The following NTN4 variants were observed in gnomAD, a reference collection of about 807,000 sequenced individuals.
NTN4 encodes the protein netrin-4.
A neutral mutation model predicts 73.6 loss-of-function variants in NTN4; 32 were observed. The ratio of observed to expected loss-of-function variants is 0.44; its 90% CI spans 0.33 to 0.58. NTN4 has a LOEUF of 0.58. NTN4 is among the 20% of genes least tolerant of loss of function. The pLI, the probability that NTN4 is intolerant of heterozygous loss-of-function variation, is 0.04. For synonymous variants in NTN4, 258 were observed against 287.5 expected, an observed-to-expected ratio of 0.90 and a Z score of 1.04; for missense variants, 654 against 798.3, an observed-to-expected ratio of 0.82 and a Z score of 2.18.
chr12:95,769,014 A>G (rs960559368), intron 2 of NTN4, among the ~76,000 whole-genome samples: 2 of 152,140 alleles, frequency 1.3e-5, no homozygotes, highest in African/African-American at 4.8e-5. Context: ...TCTTTAGCTG[A>G]GAGTCAGCAG....
At chr12:95,682,099 G>A (rs958165911) in intron 7 of NTN4, among the ~76,000 whole-genome samples, 2 of 95,158 alleles carry the variant, frequency 2.1e-5, no homozygotes, top group Non-Finnish European at 3.8e-5. Context: ...GTCTTGCTCT[G>A]TTACCCAGGC....
intron 3 of NTN4, among the ~76,000 whole-genome samples, chr12:95,715,903 G>A (rs2078601653): frequency 6.6e-6 from 1 of 152,004 alleles, no homozygotes; most frequent in Admixed American, 6.6e-5. Flanking sequence ...TGTTTTACTT[G>A]TAGTACTAAA....
chr12:95,763,905 G>C (rs1005216054), intron 2 of NTN4, among the ~76,000 whole-genome samples: 42 of 152,106 alleles, frequency 2.8e-4, no homozygotes, highest in Non-Finnish European at 5.9e-5. Flanking sequence ...ATAGCCTCTT[G>C]AGCACCCACT....
intron 8 of NTN4, among the ~76,000 whole-genome samples, chr12:95,668,058 G>GT (rs2078196507): frequency 6.6e-6 from 1 of 151,604 alleles, no homozygotes; most frequent in Non-Finnish European, 1.5e-5. Context: ...CACTAGACTT[G>GT]TAAGCTAAAA....
At chr12:95,675,683 A>G (rs141449290) in intron 7 of NTN4, among the ~76,000 whole-genome samples, 1 of 152,344 alleles carries the variant, frequency 6.6e-6, no homozygotes, top group East Asian at 1.9e-4. Context: ...TTTAAAAAAA[A>G]TGTAAAGAAA....
At chr12:95,732,318 T>G (rs1167566176) in intron 3 of NTN4, among the ~76,000 whole-genome samples, 4 of 151,826 alleles carry the variant, frequency 2.6e-5, no homozygotes, top group Non-Finnish European at 5.9e-5. Context: ...AATAACTTTA[T>G]CGTTTTTAAA....
chr12:95,707,855 A>C (rs79559581), intron 5 of NTN4, among the ~76,000 whole-genome samples: 1 of 152,210 alleles, frequency 6.6e-6, no homozygotes, highest in Non-Finnish European at 1.5e-5. Context: ...GCCCTACAAG[A>C]TAACTTATCC....
At chr12:95,676,777 A>C (rs926993402) in intron 7 of NTN4, among the ~76,000 whole-genome samples, 1 of 152,190 alleles carries the variant, frequency 6.6e-6, no homozygotes, top group African/African-American at 2.4e-5. Flanking sequence ...GTTAACCAAA[A>C]GTTAATCTCT....
chr12:95,680,163 C>T (rs1185142275), intron 7 of NTN4, among the ~76,000 whole-genome samples: 3 of 152,082 alleles, frequency 2.0e-5, no homozygotes, highest in Non-Finnish European at 2.9e-5. Flanking sequence ...AGCTGTTTTC[C>T]TTCACTAGAA....
chr12:95,780,592 C>G (rs1485470206), intron 2 of NTN4, among the ~76,000 whole-genome samples: 1 of 152,156 alleles, frequency 6.6e-6, no homozygotes, highest in Non-Finnish European at 1.5e-5. Context: ...AAATCAAAAC[C>G]GCAATGAGAT....
intron 3 of NTN4, among the ~76,000 whole-genome samples, chr12:95,735,932 TA>T (rs1343458379): frequency 1.1e-4 from 16 of 149,670 alleles, no homozygotes; most frequent in African/African-American, 3.7e-4. Flanking sequence ...TTTATTTATT[TA>T]TTTATTTATT....
chr12:95,783,195 G>T (rs2079145068), intron 2 of NTN4, among the ~76,000 whole-genome samples: 1 of 152,148 alleles, frequency 6.6e-6, no homozygotes, highest in Admixed American at 6.5e-5. Context: ...CTCCACCCCA[G>T]CATTTCCCAC....
intron 3 of NTN4, among the ~76,000 whole-genome samples, chr12:95,732,692 C>A (rs1307048215): frequency 6.6e-6 from 1 of 152,048 alleles, no homozygotes. Flanking sequence ...AGCCACCGTA[C>A]CCAGCCTGAA....
intron 2 of NTN4, among the ~76,000 whole-genome samples, chr12:95,772,328 C>T (rs185509958): frequency 2.0e-4 from 31 of 152,316 alleles, no homozygotes; most frequent in Admixed American, 1.4e-3. Flanking sequence ...GCATGAGCCA[C>T]CACGTCCACC....
intron 2 of NTN4, among the ~76,000 whole-genome samples, chr12:95,771,380 T>C (rs2079058241): frequency 6.6e-6 from 1 of 152,168 alleles, no homozygotes; most frequent in South Asian, 2.1e-4. Context: ...ATGTTGGTTT[T>C]CCCTTGTCCT....
chr12:95,679,096 A>G, intron 7 of NTN4, among the ~76,000 whole-genome samples: 1 of 152,220 alleles, frequency 6.6e-6, no homozygotes, highest in African/African-American at 2.4e-5. Flanking sequence ...CAAAGCTATC[A>G]CTTTTTTCAA....
In NTN4 at chr12:95,738,374, C is replaced by G. The variant is rs529274190; in HGVS notation, c.586-230G>C. Among the ~76,000 whole-genome samples the G allele has an allele frequency of 2.6e-5, 4 of 152,276 alleles. No individual in the cohort carries two copies. In the South Asian group the frequency reaches 6.2e-4, roughly 24 times the overall value. ...GTATACATTGAGTGACCAGCAGAGA[C>G]CTGACCCTTGAGATAAAGGCAGCCA... is the stretch of plus-strand genomic sequence containing the variant. On this transcript the variant is annotated intron_variant, in intron 2 of 9. Transcript: ENST00000343702.
Position 95,750,559 on chromosome 12 carries a change from G to A in NTN4, c.586-12415C>T, listed in dbSNP as rs556886225. Reference sequence around the variant, plus strand: ...CTGCAAGATCTAAATAATTCTTGTCGTAAAATAGGCAAATGGTCTGAGGTG... The same window carrying A: ...CTGCAAGATCTAAATAATTCTTGTCATAAAATAGGCAAATGGTCTGAGGTG... On this transcript the variant is annotated intron_variant, in intron 2 of 9. Transcript: ENST00000343702. 4.4e-3 allele frequency among the ~76,000 whole-genome samples: 668 copies of A among 152,198 alleles called. 1 individual carries two copies. Among genetic ancestry groups the A allele is most frequent in the South Asian group, 0.011 (53 of 4,824 alleles).
chr12:95,664,861 G>T (rs936816695), intron 9 of NTN4, among the ~76,000 whole-genome samples: 7 of 151,956 alleles, frequency 4.6e-5, no homozygotes, highest in African/African-American at 1.7e-4. Context: ...GTAACAATGA[G>T]TTTATATGGG....
Sources: allele counts gnomAD v4.1 joint callset (sites outside exome capture counted in the v4.1 genomes callset), GRCh38; gene constraint gnomAD v4.1.1; transcripts MANE v1.5; gene names NCBI Gene and HGNC (gene_info 2026-07-23, HGNC 2026-07-21).